The following ZNF674 variants were observed in gnomAD, a reference collection of about 807,000 sequenced individuals.
ZNF674 encodes the protein zinc finger family member 674.
A neutral mutation model predicts 7.0 loss-of-function variants in ZNF674; 2 were observed. The ratio of observed to expected loss-of-function variants is 0.29; its 90% confidence interval spans 0.12 to 0.90. The LOEUF (loss-of-function observed/expected upper bound fraction) is 0.90, where lower values mean the gene tolerates loss of function less well. Among genes scored for constraint, ZNF674 ranks in the 40% least tolerant of loss-of-function variants. ZNF674 has a pLI of 0.57. For synonymous variants in ZNF674, 103 were observed against 145.2 expected, an observed-to-expected ratio of 0.71 and a Z score of 2.09; for missense variants, 297 against 415.5, an observed-to-expected ratio of 0.71 and a Z score of 2.48.
intron 5 of ZNF674, among the ~76,000 whole-genome samples, chrX:46,507,530 G>A (rs7060677): frequency 0.036 from 4,058 of 111,392 alleles, 194 homozygotes; most frequent in African/African-American, 0.12. Flanking sequence ...CCACAAATAC[G>A]GAGGGCCAAT....
At chrX:46,530,413 T>C (rs1942090543) in intron 3 of ZNF674, among the ~76,000 whole-genome samples, 1 of 110,726 alleles carries the variant, frequency 9.0e-6, no homozygotes, top group Non-Finnish European at 1.9e-5. Context: ...ACCTGTTCCA[T>C]AGACCAGTAT....
At chrX:46,517,386 A>G (rs1288748649) in intron 5 of ZNF674, among the ~76,000 whole-genome samples, 1 of 111,655 alleles carries the variant, frequency 9.0e-6, no homozygotes, top group Non-Finnish European at 1.9e-5. Flanking sequence ...GAGTCCTCAA[A>G]GAAGGAGAAG....
intron 5 of ZNF674, among the ~76,000 whole-genome samples, chrX:46,514,984 C>A (rs1941734713): frequency 8.9e-6 from 1 of 112,074 alleles, no homozygotes; most frequent in African/African-American, 3.2e-5. Flanking sequence ...AAGACTACCA[C>A]TGACCCTCAG....
chrX:46,532,690 G>T (rs769812478), intron 3 of ZNF674, among the ~76,000 whole-genome samples: 2 of 111,137 alleles, frequency 1.8e-5, no homozygotes, highest in East Asian at 5.6e-4. Flanking sequence ...ATCATTCCTC[G>T]GCCTGGCCCA....
chrX:46,527,968 A>G, intron 5 of ZNF674: 1 of 221,719 alleles, frequency 4.5e-6, no homozygotes, highest in Non-Finnish European at 8.1e-6. Flanking sequence ...AAATGCTGAC[A>G]TTTGCATCTA....
At chrX:46,543,939 C>A (rs769845018) in intron 2 of ZNF674, among the ~76,000 whole-genome samples, 4 of 112,752 alleles carry the variant, frequency 3.5e-5, no homozygotes, top group Non-Finnish European at 7.5e-5. Context: ...GGACACTCAG[C>A]ATTTCCCCTG....
chrX:46,501,410 C>G (rs1434701114), intron 5 of ZNF674, 75 bp from the exon 6 acceptor site: 1 of 1,021,369 alleles, frequency 9.8e-7, no homozygotes, highest in Admixed American at 2.5e-5. Flanking sequence ...CCTAAATGCC[C>G]AAGCAGTGAA....
At chrX:46,511,479 T>C (rs976296886) in intron 5 of ZNF674, among the ~76,000 whole-genome samples, 5 of 111,231 alleles carry the variant, frequency 4.5e-5, no homozygotes, top group Non-Finnish European at 9.4e-5. Flanking sequence ...TGAGAAAAAA[T>C]TTGAAACATT....
At chrX:46,529,181 A>G (rs771522142) in intron 3 of ZNF674, 186 of 404,964 alleles carry the variant, frequency 4.6e-4, no homozygotes, top group Admixed American at 8.8e-4. Context: ...CTTTCTTTAT[A>G]TAACTGTTCT....
At chrX:46,524,002 A>G (rs1941962572) in intron 5 of ZNF674, among the ~76,000 whole-genome samples, 1 of 108,866 alleles carries the variant, frequency 9.2e-6, no homozygotes, top group African/African-American at 3.3e-5. Flanking sequence ...AGATCGTGCC[A>G]TTGCACTCCA....
intron 5 of ZNF674, chrX:46,523,394 G>A (rs1208232634): frequency 1.7e-5 from 2 of 115,947 alleles, no homozygotes; most frequent in Non-Finnish European, 3.6e-5. Flanking sequence ...GCAGTGGCAC[G>A]ATCTTGGCTC....
In ZNF674 at chrX:46,536,947, A is replaced by G. The variant is rs534752637; in HGVS notation, c.15+5126T>C. ...AGAGCGTAGTTAAATAAATTGCTCCATCTATACTCTGGAACTGTCATGATA... is the reference window on the plus strand; with the variant it reads ...AGAGCGTAGTTAAATAAATTGCTCCGTCTATACTCTGGAACTGTCATGATA... On this transcript the variant is annotated intron_variant, in intron 3 of 5. Transcript: ENST00000683375. 3.2e-4 allele frequency among the ~76,000 whole-genome samples: 36 copies of G among 111,791 alleles called. 1 individual carries two copies. The South Asian group carries it at 0.013, about 39-fold the overall frequency.
intron 3 of ZNF674, among the ~76,000 whole-genome samples, chrX:46,532,825 C>T (rs1368218634): frequency 1.8e-5 from 2 of 112,106 alleles, no homozygotes; most frequent in African/African-American, 6.5e-5. Context: ...TACACCAACA[C>T]TAAAGATAGC....
intron 5 of ZNF674, chrX:46,522,846 C>T (rs1941938991): frequency 8.9e-6 from 1 of 111,823 alleles, no homozygotes; most frequent in South Asian, 3.7e-4. Context: ...TTACAAAGCT[C>T]AAAAAAGAAA....
chrX:46,516,889 C>T (rs964295587), intron 5 of ZNF674, among the ~76,000 whole-genome samples: 4 of 109,860 alleles, frequency 3.6e-5, no homozygotes, highest in Admixed American at 9.8e-5. Context: ...CTTAGCTACT[C>T]GGGAGACTGA....
intron 5 of ZNF674, among the ~76,000 whole-genome samples, chrX:46,519,117 C>T (rs1342017298): frequency 9.3e-6 from 1 of 107,411 alleles, no homozygotes; most frequent in African/African-American, 3.4e-5. Context: ...AAAGGAGAAA[C>T]GCTTGAACCT....
intron 5 of ZNF674, among the ~76,000 whole-genome samples, chrX:46,519,324 T>TAGATAGATAGATAGATAGGC (rs200470080): frequency 1.2e-4 from 13 of 106,407 alleles, no homozygotes; most frequent in African/African-American, 3.8e-4. Context: ...GATAGATAGA[T>TAGATAGATAGATAGATAGGC]AGGCCAGGTG....
chrX:46,515,435 T>C (rs921544772), intron 5 of ZNF674, among the ~76,000 whole-genome samples: 4 of 109,581 alleles, frequency 3.7e-5, no homozygotes, highest in African/African-American at 1.3e-4. Flanking sequence ...AAATAGATCA[T>C]CTGAATAACC....
rs746570130 is a variant in ZNF674 at position 46,522,997 on chromosome X, G to T, written c.238+5353C>A. On this transcript the variant is annotated intron_variant, in intron 5 of 5. Transcript: ENST00000683375. ...AGGTAGGAGGATGCCATCTGGAAGG[G>T]GTAGAGTCGTAGTTCTCAACCTGAG... 1.1e-4 allele frequency: 14 copies of T among 131,370 alleles called. No individual in the cohort carries two copies. In the East Asian group the frequency reaches 3.6e-3, roughly 34 times the overall value. The allele number at this position is 131,370 out of a possible 1,213,427, so 10.8% of individuals were successfully genotyped here.
Sources: allele counts gnomAD v4.1 joint callset (sites outside exome capture counted in the v4.1 genomes callset), GRCh38; gene constraint gnomAD v4.1.1; transcripts MANE v1.5; gene names NCBI Gene and HGNC (gene_info 2026-07-23, HGNC 2026-07-21).